The following RGS6 variants were observed in gnomAD, a reference collection of about 807,000 sequenced individuals.
The protein encoded by RGS6 is regulator of G protein signaling 6.
RGS6 carries 30 observed loss-of-function variants against 78.5 expected under a neutral mutation model. The observed-to-expected ratio is 0.38, with a 90% CI of 0.29 to 0.52. RGS6 has a LOEUF of 0.52. Among genes scored for constraint, RGS6 ranks in the 20% least tolerant of loss-of-function variants. RGS6 has a pLI of 0.85. For synonymous variants in RGS6, 206 were observed against 206.0 expected (o/e 1.00, Z 0.00); for missense variants, 495 against 609.7 (o/e 0.81, Z 1.98).
chr14:71,887,133 T>C, the RGS6 span, among the ~76,000 whole-genome samples: 1 of 152,346 alleles, frequency 6.6e-6, no homozygotes, highest in Non-Finnish European at 1.5e-5. Flanking sequence ...GAAGATTTCA[T>C]GGACGTTTAT....
intron 2 of RGS6, among the ~76,000 whole-genome samples, chr14:72,327,019 A>G (rs970727712): frequency 6.6e-6 from 1 of 152,186 alleles, no homozygotes; most frequent in Admixed American, 6.5e-5. Flanking sequence ...GTATTTCTTT[A>G]TAGCAATGAA....
the RGS6 span, among the ~76,000 whole-genome samples, chr14:71,875,726 AT>A: frequency 6.6e-6 from 1 of 152,124 alleles, no homozygotes; most frequent in African/African-American, 2.4e-5. Flanking sequence ...AGTTCTTTGA[AT>A]TGTGATGTTA....
chr14:72,235,492 A>G (rs960882767), intron 2 of RGS6, among the ~76,000 whole-genome samples: 7 of 152,226 alleles, frequency 4.6e-5, no homozygotes, highest in African/African-American at 1.7e-4. Context: ...ATCTTTATAG[A>G]TAATATCTGG....
chr14:72,280,820 C>T (rs572271565), intron 2 of RGS6, among the ~76,000 whole-genome samples: 1 of 152,302 alleles, frequency 6.6e-6, no homozygotes, highest in South Asian at 2.1e-4. Flanking sequence ...GAGACTGAGT[C>T]CAGGTCTTAT....
At chr14:72,277,680 C>A (rs143516228) in intron 2 of RGS6, among the ~76,000 whole-genome samples, 2,067 of 152,214 alleles carry the variant, frequency 0.014, 45 homozygotes, top group African/African-American at 0.046. Flanking sequence ...ATAATCCTAG[C>A]ACTTTGGGAG....
chr14:72,036,707 A>G (rs1174398968), intron 2 of RGS6, among the ~76,000 whole-genome samples: 1 of 152,048 alleles, frequency 6.6e-6, no homozygotes, highest in Non-Finnish European at 1.5e-5. Flanking sequence ...AGAGTCCTTA[A>G]TATATTCTGA....
In RGS6 at chr14:72,493,002, G is replaced by A. The variant is rs562979575; in HGVS notation, c.855-2150G>A. Among the ~76,000 whole-genome samples the A allele has an allele frequency of 9.9e-5, 15 of 152,132 alleles. No individual in the cohort carries two copies. The South Asian group carries it at 2.7e-3, about 27-fold the overall frequency. ...ATGCCTGCCCTAGGGAAAAATAGAC[G>A]CCCCAGAGGAAAGACTCCAGATCCC... On this transcript the variant is annotated intron_variant, in intron 12 of 17. Coordinates refer to ENST00000553525, the MANE Select transcript of RGS6 (RefSeq NM_001204424.2).
chr14:72,253,885 A>G (rs890299933), intron 2 of RGS6, among the ~76,000 whole-genome samples: 1 of 152,190 alleles, frequency 6.6e-6, no homozygotes. Context: ...AACTGCGCCT[A>G]TCTGTACTGA....
intron 2 of RGS6, among the ~76,000 whole-genome samples, chr14:72,304,967 G>A (rs2066910276): frequency 1.3e-5 from 2 of 152,222 alleles, no homozygotes; most frequent in Non-Finnish European, 2.9e-5. Context: ...CAGCTGGACA[G>A]TCTATTTCCC....
chr14:71,944,116 C>T (rs117035476), intron 1 of RGS6, among the ~76,000 whole-genome samples: 1 of 152,236 alleles, frequency 6.6e-6, no homozygotes, highest in East Asian at 1.9e-4. Context: ...TTTATCTCCA[C>T]CTCTAGCACA....
At chr14:72,074,415 C>G (rs1466395551) in intron 2 of RGS6, among the ~76,000 whole-genome samples, 2 of 152,170 alleles carry the variant, frequency 1.3e-5, no homozygotes, top group African/African-American at 4.8e-5. Flanking sequence ...TCAGGCTGGT[C>G]TTGAACTCCT....
At chr14:72,534,497 G>T (rs1355651483) in intron 15 of RGS6, among the ~76,000 whole-genome samples, 1 of 152,104 alleles carries the variant, frequency 6.6e-6, no homozygotes, top group Non-Finnish European at 1.5e-5. Flanking sequence ...TGTTCTCCAG[G>T]TTTGTTCATG....
chr14:72,151,340 G>T (rs190478735), intron 2 of RGS6, among the ~76,000 whole-genome samples: 3 of 152,318 alleles, frequency 2.0e-5, no homozygotes, highest in African/African-American at 7.2e-5. Flanking sequence ...AACAGATTGC[G>T]CATGTAATTA....
intron 2 of RGS6, among the ~76,000 whole-genome samples, chr14:72,224,895 T>TG (rs760159510): frequency 1.6e-4 from 25 of 152,180 alleles, no homozygotes; most frequent in Non-Finnish European, 2.8e-4. Flanking sequence ...ATGGTTTGTG[T>TG]GGGAAAAATG....
intron 15 of RGS6, among the ~76,000 whole-genome samples, chr14:72,520,063 C>G (rs560566099): frequency 7.2e-5 from 11 of 152,340 alleles, no homozygotes; most frequent in African/African-American, 2.6e-4. Flanking sequence ...TGCTTTATCT[C>G]TAGCCCCATC....
At chr14:72,445,426 G>A (rs750180331) in intron 3 of RGS6, among the ~76,000 whole-genome samples, 4 of 151,940 alleles carry the variant, frequency 2.6e-5, no homozygotes, top group Non-Finnish European at 4.4e-5. Flanking sequence ...CTGACCTCAG[G>A]CAATCCACCT....
At chr14:72,357,024 A>C (rs1047597741) in intron 3 of RGS6, among the ~76,000 whole-genome samples, 2 of 152,152 alleles carry the variant, frequency 1.3e-5, no homozygotes, top group Non-Finnish European at 2.9e-5. Context: ...TAATCCCAGC[A>C]CTTTGGGAGG....
intron 2 of RGS6, among the ~76,000 whole-genome samples, chr14:72,142,605 G>T (rs1047567551): frequency 2.0e-5 from 3 of 152,190 alleles, no homozygotes; most frequent in African/African-American, 7.2e-5. Context: ...CTTTTATCCA[G>T]AGGAGGCATC....
intron 3 of RGS6, among the ~76,000 whole-genome samples, chr14:72,376,501 C>A (rs933274814): frequency 6.6e-5 from 10 of 152,054 alleles, no homozygotes; most frequent in African/African-American, 9.7e-5. Flanking sequence ...CAAAGAACCC[C>A]AAATAGATAT....
Sources: gnomAD v4.1 joint callset for allele counts (sites outside exome capture counted in the v4.1 genomes callset) on GRCh38, gnomAD v4.1.1 for gene constraint, MANE v1.5 for transcripts, NCBI Gene and HGNC (gene_info 2026-07-23, HGNC 2026-07-21) for gene names.